Variants in COBL observed in about 807,000 individuals in gnomAD.
COBL encodes the protein cordon-bleu WH2 repeat protein.
COBL carries 51 observed loss-of-function variants against 98.8 expected under a neutral mutation model. That is an observed-to-expected ratio of 0.52 (90% CI 0.41 to 0.65). COBL has a LOEUF of 0.65. COBL is among the 30% of genes least tolerant of loss of function. The probability of loss-of-function intolerance (pLI) is 0.00; values close to 1 mark genes in which losing one functional copy is unlikely to be tolerated. For synonymous variants in COBL, 634 were observed against 651.7 expected, an observed-to-expected ratio of 0.97 and a Z score of 0.41; for missense variants, 1,617 against 1,617.5, an observed-to-expected ratio of 1.00 and a Z score of 0.01.
chr7:51,303,268 C>A (rs1204881609), intron 1 of COBL, among the ~76,000 whole-genome samples: 1 of 152,052 alleles, frequency 6.6e-6, no homozygotes, highest in Non-Finnish European at 1.5e-5. Flanking sequence ...CATCCAAAAT[C>A]AACAATCCCG....
At chr7:51,200,518 G>A (rs904971076) in intron 2 of COBL, among the ~76,000 whole-genome samples, 40 of 152,280 alleles carry the variant, frequency 2.6e-4, no homozygotes, top group South Asian at 2.1e-4. Context: ...ACTGTAGAGC[G>A]CCTGTATATG....
intron 5 of COBL, among the ~76,000 whole-genome samples, chr7:51,157,300 G>C (rs920065454): frequency 1.3e-5 from 2 of 152,204 alleles, no homozygotes; most frequent in African/African-American, 2.4e-5. Flanking sequence ...TTAAACCCAG[G>C]AGGCAGAGGT....
At chr7:51,307,305 C>T (rs1008909155) in intron 1 of COBL, among the ~76,000 whole-genome samples, 1 of 152,066 alleles carries the variant, frequency 6.6e-6, no homozygotes, top group African/African-American at 2.4e-5. Flanking sequence ...GCTGAGATCA[C>T]GCCTCTGCAC....
At chr7:51,156,734 AC>A in intron 5 of COBL, 1 of 139,824 alleles carries the variant, frequency 7.2e-6, no homozygotes, top group South Asian at 2.6e-4. Flanking sequence ...ACACACACAC[AC>A]ACACACAATG....
At chr7:51,224,748 C>T (rs1794018287) in intron 1 of COBL, among the ~76,000 whole-genome samples, 1 of 152,114 alleles carries the variant, frequency 6.6e-6, no homozygotes, top group African/African-American at 2.4e-5. Flanking sequence ...CTCTGCCTCC[C>T]AGGTTCAAGT....
intron 6 of COBL, among the ~76,000 whole-genome samples, chr7:51,135,798 G>C (rs1799176258): frequency 6.6e-6 from 1 of 152,188 alleles, no homozygotes; most frequent in Admixed American, 6.5e-5. Context: ...TTTGTGGCAT[G>C]CTGCCTCCAC....
At chr7:51,202,148 G>A (rs1380157362) in intron 2 of COBL, among the ~76,000 whole-genome samples, 1 of 152,022 alleles carries the variant, frequency 6.6e-6, no homozygotes, top group African/African-American at 2.4e-5. Flanking sequence ...TTCTTTGGAT[G>A]CCAAAGAAAA....
At chr7:51,173,556 C>G (rs1053122280) in intron 5 of COBL, among the ~76,000 whole-genome samples, 1 of 152,192 alleles carries the variant, frequency 6.6e-6, no homozygotes, top group Non-Finnish European at 1.5e-5. Context: ...AAATATCTCA[C>G]TCCATATGAT....
At chr7:51,293,713 C>T (rs563055462) in intron 1 of COBL, among the ~76,000 whole-genome samples, 1 of 152,254 alleles carries the variant, frequency 6.6e-6, no homozygotes, top group East Asian at 1.9e-4. Flanking sequence ...CTCCAAAATA[C>T]AGTACACCTT....
At chr7:51,166,747 C>A (rs1275764616) in intron 5 of COBL, among the ~76,000 whole-genome samples, 1 of 152,046 alleles carries the variant, frequency 6.6e-6, no homozygotes. Flanking sequence ...TTAGAAAGAT[C>A]ATTCATTGTG....
chr7:51,274,019 T>C (rs1209501891), intron 1 of COBL, among the ~76,000 whole-genome samples: 2 of 152,278 alleles, frequency 1.3e-5, no homozygotes, highest in Non-Finnish European at 2.9e-5. Context: ...CCCTTCCCTG[T>C]AATGCTCTCC....
At chr7:51,289,216 T>C (rs1563131158) in intron 1 of COBL, among the ~76,000 whole-genome samples, 1 of 152,242 alleles carries the variant, frequency 6.6e-6, no homozygotes, top group Non-Finnish European at 1.5e-5. Context: ...TTATAACAAT[T>C]GGGAACAAGT....
intron 1 of COBL, among the ~76,000 whole-genome samples, chr7:51,287,815 A>G (rs1800518332): frequency 1.3e-5 from 2 of 152,164 alleles, no homozygotes; most frequent in Non-Finnish European, 2.9e-5. Flanking sequence ...TAACTGGGCT[A>G]CAAAGTGAGA....
intron 1 of COBL, among the ~76,000 whole-genome samples, chr7:51,229,185 G>A (rs146490545): frequency 1.3e-5 from 2 of 152,332 alleles, no homozygotes; most frequent in East Asian, 3.9e-4. Context: ...GTGAAGCAGT[G>A]CCCTGAGAAC....
chr7:51,203,864 C>T (rs1320051841), intron 2 of COBL, among the ~76,000 whole-genome samples: 1 of 152,028 alleles, frequency 6.6e-6, no homozygotes, highest in East Asian at 1.9e-4. Context: ...GGCCTATTTC[C>T]AAACAAATTT....
chr7:51,262,399 CAG>C (rs1563101024), intron 1 of COBL, among the ~76,000 whole-genome samples: 1 of 152,172 alleles, frequency 6.6e-6, no homozygotes, highest in East Asian at 1.9e-4. Context: ...GAAACCGTGT[CAG>C]AGTCAGAAGC....
At chr7:51,217,971 G>C (rs1793252925) in intron 2 of COBL, among the ~76,000 whole-genome samples, 1 of 152,148 alleles carries the variant, frequency 6.6e-6, no homozygotes, top group Admixed American at 6.5e-5. Context: ...CTCCCACCTT[G>C]ATCCACTGTA....
rs1424533679 is a variant in COBL at position 51,028,640 on chromosome 7, T to C, written c.2456A>G (p.Lys819Arg). 5 of 1,613,284 alleles carry C rather than the reference T, an allele frequency of 3.1e-6. No individual in the cohort carries two copies. In the Admixed American group the frequency reaches 8.3e-5, roughly 27 times the overall value. The change falls in exon 10 of 13, where the codon AAG becomes AGG. Residue 819 changes from lysine to arginine, a missense_variant. This residue lies in a region of COBL where 1,304 missense variants were observed against 1,282.0 expected (regional missense o/e 1.02). Coordinates refer to ENST00000265136, the MANE Select transcript of COBL (RefSeq NM_015198.5). ...ADPKPISPQQ[K>R]SAHHEGRNPL... is the part of the protein sequence containing the mutation. ...GTTCCGGCCCTCATGGTGGGCAGAC[T>C]TCTGCTGGGGCGATATTGGCTTGGG...
rs531867423 is a variant in COBL, at chr7:51,261,664, T to A, written c.42-41720A>T. Among the ~76,000 whole-genome samples the A allele has an allele frequency of 4.6e-5, 7 of 152,016 alleles. No individual in the cohort carries two copies. In the East Asian group the frequency reaches 1.2e-3, roughly 25 times the overall value. On this transcript the variant is annotated intron_variant, in intron 1 of 12. Coordinates refer to ENST00000265136, the MANE Select transcript of COBL (RefSeq NM_015198.5). ...CCCAGTTGTACAGGCCCTGGAGGTG[T>A]TGAAAGAAGGCAGCCCGAGGGGCCA...
Sources: gnomAD v4.1 joint callset for allele counts (sites outside exome capture counted in the v4.1 genomes callset) on GRCh38, gnomAD v4.1.1 for gene constraint, gnomAD v4.1.1 regional missense constraint, MANE v1.5 for transcripts, NCBI Gene and HGNC (gene_info 2026-07-23, HGNC 2026-07-21) for gene names.